LINGO2: variants seen among roughly 807,000 people sequenced by gnomAD.
LINGO2 encodes the protein leucine-rich repeat and immunoglobulin-like domain-containing nogo receptor-interacting protein 2.
LINGO2 carries 14 observed loss-of-function variants against 30.6 expected under a neutral mutation model. The observed-to-expected ratio is 0.46, with a 90% CI of 0.30 to 0.72. The LOEUF (loss-of-function observed/expected upper bound fraction) is 0.72. LINGO2 is among the 30% of genes least tolerant of loss of function. The probability of loss-of-function intolerance (pLI) is 0.07; values close to 1 mark genes in which losing one functional copy is unlikely to be tolerated. For missense variants in LINGO2, 729 were observed against 751.7 expected (o/e 0.97, Z 0.35); for synonymous variants, 317 against 288.5 (o/e 1.10, Z -1.00).
the LINGO2 span, among the ~76,000 whole-genome samples, chr9:28,955,174 TAGAG>T: frequency 2.2e-4 from 33 of 151,092 alleles, no homozygotes; most frequent in South Asian, 2.1e-4. Context: ...AGAGTCGAAA[TAGAG>T]AGAGAGAGTG....
chr9:28,220,141 T>C (rs1403218747), intron 4 of LINGO2, among the ~76,000 whole-genome samples: 1 of 152,180 alleles, frequency 6.6e-6, no homozygotes, highest in Non-Finnish European at 1.5e-5. Context: ...GTATGTATGT[T>C]ATATGCCAAT....
intron 1 of LINGO2, among the ~76,000 whole-genome samples, chr9:28,542,957 G>A (rs1356673866): frequency 6.6e-6 from 1 of 152,082 alleles, no homozygotes; most frequent in African/African-American, 2.4e-5. Flanking sequence ...AGCAGAACAC[G>A]ACGTGTAGGG....
chr9:28,189,614 AGGGAGGGAGGAAGGGAGGG>A (rs1564029297), intron 4 of LINGO2, among the ~76,000 whole-genome samples: 4 of 10,086 alleles, frequency 4.0e-4, no homozygotes, highest in Admixed American at 7.4e-4. Context: ...GAAGGAAGGG[AGGGAGGGAGGAAGGGAGGG>A]AGGAAGGAAG....
intron 4 of LINGO2, among the ~76,000 whole-genome samples, chr9:28,195,074 T>A (rs1441194625): frequency 2.0e-5 from 3 of 151,998 alleles, no homozygotes; most frequent in Non-Finnish European, 2.9e-5. Context: ...AACAGAAATG[T>A]AAACATTTGT....
At chr9:28,355,488 T>G (rs1564145911) in intron 3 of LINGO2, among the ~76,000 whole-genome samples, 1 of 151,292 alleles carries the variant, frequency 6.6e-6, no homozygotes, top group Non-Finnish European at 1.5e-5. Context: ...ATTCTGTAAC[T>G]AAATGTGTTA....
the LINGO2 span, among the ~76,000 whole-genome samples, chr9:29,070,967 C>A: frequency 6.6e-6 from 1 of 150,796 alleles, no homozygotes; most frequent in African/African-American, 2.4e-5. Flanking sequence ...TATCTACAAT[C>A]TTGTATTTTA....
At chr9:28,045,323 T>TG in intron 4 of LINGO2, among the ~76,000 whole-genome samples, 1 of 152,294 alleles carries the variant, frequency 6.6e-6, no homozygotes. Flanking sequence ...ACTTTGAGTA[T>TG]TTTATAGACA....
At position 28,289,154 on chromosome 9, in the gene LINGO2, A is replaced by G. The variant is rs73431323; in HGVS notation, c.-87+6054T>C. Among the ~76,000 whole-genome samples the G allele has an allele frequency of 7.7e-3, 1,178 of 152,334 alleles. 20 individuals carry two copies. Among genetic ancestry groups the G allele is most frequent in the African/African-American group, 0.027 (1,135 of 41,564 alleles). On this transcript the variant is annotated intron_variant, in intron 4 of 5. Coordinates refer to ENST00000379992, the Ensembl canonical transcript of LINGO2. ...TTGACACTCTTTCTACCTTATGGAC[A>G]AGCTAATATACATCACCATAAAATA... is the stretch of plus-strand genomic sequence containing the variant.
intron 2 of LINGO2, among the ~76,000 whole-genome samples, chr9:28,408,534 A>G (rs7854250): frequency 0.92 from 139,007 of 151,028 alleles, 64,092 homozygotes; most frequent in East Asian, 1. Flanking sequence ...AAAACCAAAC[A>G]CTGCATGTTC....
At chr9:28,558,374 G>C (rs183665523) in intron 1 of LINGO2, among the ~76,000 whole-genome samples, 2 of 151,882 alleles carry the variant, frequency 1.3e-5, no homozygotes, top group Non-Finnish European at 2.9e-5. Context: ...AGAGGGGAGA[G>C]TCAGGCAGGG....
the LINGO2 span, among the ~76,000 whole-genome samples, chr9:29,036,184 T>C: frequency 6.6e-6 from 1 of 152,116 alleles, no homozygotes; most frequent in Non-Finnish European, 1.5e-5. Context: ...AAAGCAGATA[T>C]TAACCTGTTC....
chr9:28,835,382 C>T, the LINGO2 span, among the ~76,000 whole-genome samples: 1 of 152,140 alleles, frequency 6.6e-6, no homozygotes, highest in African/African-American at 2.4e-5. Context: ...CCTGATATAA[C>T]ATGCTTATTT....
chr9:28,204,790 T>C (rs1820355197), intron 4 of LINGO2, among the ~76,000 whole-genome samples: 1 of 152,198 alleles, frequency 6.6e-6, no homozygotes, highest in African/African-American at 2.4e-5. Flanking sequence ...CAAAACTTTT[T>C]CAAGGGATGG....
chr9:28,334,476 T>A (rs929086609), intron 3 of LINGO2, among the ~76,000 whole-genome samples: 19 of 152,186 alleles, frequency 1.2e-4, no homozygotes, highest in African/African-American at 4.3e-4. Flanking sequence ...ATCATATACT[T>A]TAACTCTGTG....
the LINGO2 span, among the ~76,000 whole-genome samples, chr9:28,971,993 G>A: frequency 6.6e-6 from 1 of 152,338 alleles, no homozygotes; most frequent in South Asian, 2.1e-4. Context: ...AAGAGAACAA[G>A]AGTCTCTACC....
At chr9:28,659,409 A>G (rs1828496499) in intron 1 of LINGO2, among the ~76,000 whole-genome samples, 1 of 152,058 alleles carries the variant, frequency 6.6e-6, no homozygotes, top group Non-Finnish European at 1.5e-5. Context: ...TTCTTCAAAG[A>G]CAGCAATAGC....
chr9:28,023,183 T>C (rs922858866), intron 4 of LINGO2, among the ~76,000 whole-genome samples: 20 of 152,212 alleles, frequency 1.3e-4, no homozygotes, highest in African/African-American at 4.8e-4. Context: ...GTTTGCATTT[T>C]GTCTTCAGAC....
the LINGO2 span, among the ~76,000 whole-genome samples, chr9:29,206,579 T>G: frequency 3.3e-5 from 5 of 152,320 alleles, no homozygotes. Context: ...CATGAATCTT[T>G]TTCAGACCAC....
intron 3 of LINGO2, among the ~76,000 whole-genome samples, chr9:28,304,873 C>G (rs1824284351): frequency 6.6e-6 from 1 of 151,930 alleles, no homozygotes; most frequent in African/African-American, 2.4e-5. Flanking sequence ...AATAAATAAA[C>G]TGTAGCTGAG....
Sources: allele counts gnomAD v4.1 joint callset (sites outside exome capture counted in the v4.1 genomes callset), GRCh38; gene constraint gnomAD v4.1.1; transcripts MANE v1.5; gene names NCBI Gene and HGNC (gene_info 2026-07-23, HGNC 2026-07-21).